The following ELP3 variants were observed in gnomAD, a reference collection of about 807,000 sequenced individuals.
The protein encoded by ELP3 is elongator complex protein 3.
ELP3 carries 56 observed loss-of-function variants against 74.9 expected under a neutral mutation model. That is an observed-to-expected ratio of 0.75 (90% CI 0.60 to 0.93). The LOEUF is 0.93. Ranked by LOEUF, ELP3 falls within the 40% of genes least tolerant of loss-of-function variation. The pLI is 0.00. For synonymous variants in ELP3, 222 were observed against 239.8 expected (o/e 0.93, Z 0.68); for missense variants, 573 against 686.5 (o/e 0.83, Z 1.85).
chr8:28,100,854 G>A (rs1024565760), intron 3 of ELP3, among the ~76,000 whole-genome samples: 4 of 152,166 alleles, frequency 2.6e-5, no homozygotes, highest in African/African-American at 9.7e-5. Context: ...TACATGCACA[G>A]AAATTGATAG....
intron 4 of ELP3, among the ~76,000 whole-genome samples, chr8:28,107,050 C>T (rs953269263): frequency 1.3e-5 from 2 of 152,094 alleles, no homozygotes; most frequent in East Asian, 1.9e-4. Flanking sequence ...GGAGTTAAGA[C>T]GAGCCTGGCC....
chr8:28,181,984 T>C (rs1194486102), intron 14 of ELP3, among the ~76,000 whole-genome samples: 1 of 152,182 alleles, frequency 6.6e-6, no homozygotes, highest in Non-Finnish European at 1.5e-5. Flanking sequence ...TGTTTTGAGA[T>C]GGAGTTAGAA....
intron 14 of ELP3, among the ~76,000 whole-genome samples, chr8:28,187,539 T>A (rs1815287424): frequency 6.6e-6 from 1 of 152,232 alleles, no homozygotes; most frequent in Admixed American, 6.5e-5. Context: ...TGATGGTGCC[T>A]CCTTGTTCCT....
intron 9 of ELP3, among the ~76,000 whole-genome samples, chr8:28,135,167 A>G (rs1275485002): frequency 6.6e-6 from 1 of 151,912 alleles, no homozygotes; most frequent in African/African-American, 2.4e-5. Context: ...TGACCTCGTG[A>G]TCCGCCCGCC....
Position 28,133,316 on chromosome 8 carries a change from T to G in ELP3, c.906+912T>G, listed in dbSNP as rs1255414079. ...ATTTTTAGTATTAGTTTATATGAAT[T>G]TTTTAGGTAAGGAGATTATGGACTC... On this transcript the variant is annotated intron_variant, in intron 9 of 14. Transcript: ENST00000256398. 2.6e-5 allele frequency among the ~76,000 whole-genome samples: 4 copies of G among 152,242 alleles called. No individual in the cohort carries two copies. The East Asian group carries it at 7.7e-4, about 29-fold the overall frequency.
intron 14 of ELP3, among the ~76,000 whole-genome samples, chr8:28,178,677 A>G (rs1183822299): frequency 2.0e-5 from 3 of 152,194 alleles, no homozygotes; most frequent in East Asian, 1.9e-4. Context: ...TAAGAGTGCA[A>G]TTGCTGGGTT....
chr8:28,189,704 C>G lies in ELP3; in HGVS notation c.1623C>G (p.Tyr541Ter). Reference protein sequence around the residue: ...RKIGYRLQGPYMVKMLK With the variant: ...RKIGYRLQGP ...TCGGCTACAGATTACAAGGCCCGTACATGGTGAAGATGCTGAAATAATGGC... is the reference window on the plus strand; with the variant it reads ...TCGGCTACAGATTACAAGGCCCGTAGATGGTGAAGATGCTGAAATAATGGC... Residue 541 changes from tyrosine (Y) to a stop codon, truncating the protein, a stop_gained, in exon 15 of 15, where the codon TAC becomes TAG. Transcript: ENST00000256398. LOFTEE classifies it high-confidence loss of function. 1 of 1,614,134 alleles carries G rather than the reference C, an allele frequency of 6.2e-7. No homozygotes were observed. The highest frequency in any genetic ancestry group is 1.1e-5 in the South Asian group (1 of 91,084).
intron 3 of ELP3, among the ~76,000 whole-genome samples, chr8:28,105,428 A>G (rs1195039229): frequency 6.6e-6 from 1 of 152,214 alleles, no homozygotes; most frequent in Non-Finnish European, 1.5e-5. Flanking sequence ...GGCTTATCTT[A>G]GACTTTCTTT....
chr8:28,145,904 G>A (rs764791077), intron 10 of ELP3, among the ~76,000 whole-genome samples: 8 of 152,188 alleles, frequency 5.3e-5, no homozygotes, highest in East Asian at 1.9e-4. Context: ...GATTACAGGC[G>A]TGAGCCACCA....
intron 14 of ELP3, among the ~76,000 whole-genome samples, chr8:28,176,328 A>G (rs1333740528): frequency 1.3e-5 from 2 of 152,234 alleles, no homozygotes; most frequent in African/African-American, 4.8e-5. Context: ...GGGTCAAAAC[A>G]AAGACAAGTG....
chr8:28,129,292 T>TA (rs759972807), intron 7 of ELP3: 2 of 534,414 alleles, frequency 3.7e-6, no homozygotes, highest in Non-Finnish European at 6.7e-6. Context: ...ATTTTGCAGT[T>TA]AAAGGAACCG....
Position 28,189,765 on chromosome 8 carries a change from C to T in ELP3, c.*40C>T. The T allele has an allele frequency of 1.2e-5, 19 of 1,584,420 alleles. No homozygotes were observed. Among genetic ancestry groups the T allele is most frequent in the East Asian group, 2.2e-5 (1 of 44,722 alleles). Reference sequence around the variant, plus strand: ...CACTCTTCTGCAGTATCCTCCCTGGCAGAACACGGAGAATCAGGATTTCTT... The same window carrying T: ...CACTCTTCTGCAGTATCCTCCCTGGTAGAACACGGAGAATCAGGATTTCTT... On this transcript the variant is annotated 3_prime_UTR_variant, in exon 15 of 15. Transcript: ENST00000256398.
intron 14 of ELP3, among the ~76,000 whole-genome samples, chr8:28,175,162 T>G (rs1429973821): frequency 2.0e-5 from 3 of 152,226 alleles, no homozygotes; most frequent in Non-Finnish European, 4.4e-5. Context: ...GCTTCTTGAA[T>G]GTATAGATTC....
At chr8:28,166,214 C>T (rs1041181113) in intron 14 of ELP3, among the ~76,000 whole-genome samples, 19 of 152,186 alleles carry the variant, frequency 1.2e-4, no homozygotes. Context: ...CTATAGGAAA[C>T]TCACCCACCT....
intron 3 of ELP3, among the ~76,000 whole-genome samples, chr8:28,100,647 A>C (rs1811442019): frequency 6.6e-6 from 1 of 152,246 alleles, no homozygotes; most frequent in Admixed American, 6.5e-5. Flanking sequence ...AAGCAGCTAG[A>C]TAATAGGAAA....
intron 7 of ELP3, among the ~76,000 whole-genome samples, chr8:28,126,966 C>A (rs1255225000): frequency 6.6e-6 from 1 of 152,076 alleles, no homozygotes; most frequent in Admixed American, 6.5e-5. Context: ...GATGCAAATA[C>A]AATTCTGGAA....
chr8:28,143,732 A>G (rs1337869280), intron 10 of ELP3, among the ~76,000 whole-genome samples: 5 of 152,212 alleles, frequency 3.3e-5, no homozygotes, highest in Admixed American at 6.5e-5. Flanking sequence ...GCTAAACTTC[A>G]TAGAACTTTC....
chr8:28,108,457 C>CTTTTTTTTTTTTTTT (rs33948469), intron 5 of ELP3, among the ~76,000 whole-genome samples: 1 of 117,572 alleles, frequency 8.5e-6, no homozygotes, highest in Non-Finnish European at 1.7e-5. Context: ...ATTTTTTTTT[C>CTTTTTTTTTTTTTTT]TTTTTTTTTT....
chr8:28,093,318 C>A lies in ELP3; in HGVS notation c.19+85C>A. On this transcript the variant is annotated intron_variant, in intron 1 of 14. Coordinates refer to ENST00000256398, the MANE Select transcript of ELP3 (RefSeq NM_018091.6). ...AATCAAATGCTGAACCGAACTTTTA[C>A]CGCGAGAATCCGCTACCCAGTCCAG... 2.6e-6 allele frequency: 4 copies of A among 1,553,082 alleles called. No homozygotes were observed. The South Asian group carries it at 4.7e-5, about 18-fold the overall frequency.
Sources: gnomAD v4.1 joint callset for allele counts (sites outside exome capture counted in the v4.1 genomes callset) on GRCh38, gnomAD v4.1.1 for gene constraint, MANE v1.5 for transcripts, NCBI Gene and HGNC (gene_info 2026-07-23, HGNC 2026-07-21) for gene names.